The following CTNND2 variants were observed in gnomAD, a reference collection of about 807,000 sequenced individuals.
CTNND2 encodes catenin delta-2.
Under a neutral mutation model 144.4 loss-of-function variants are expected in CTNND2, and 22 were observed. That is an observed-to-expected ratio of 0.15 (90% CI 0.11 to 0.22). The LOEUF is 0.22. Ranked by LOEUF, CTNND2 falls within the 10% of genes least tolerant of loss-of-function variation. CTNND2 has a pLI of 1.00. For synonymous variants in CTNND2, 751 were observed against 695.6 expected (o/e 1.08, Z -1.25); for missense variants, 1,353 against 1,618.8 (o/e 0.84, Z 2.82).
chr5:11,217,901 G>C (rs1170937317), intron 10 of CTNND2, among the ~76,000 whole-genome samples: 2 of 152,078 alleles, frequency 1.3e-5, no homozygotes, highest in African/African-American at 4.8e-5. Context: ...GTGGATCTTA[G>C]GCATCCAAGG....
At chr5:11,174,837 A>G (rs1316644529) in intron 11 of CTNND2, among the ~76,000 whole-genome samples, 1 of 152,234 alleles carries the variant, frequency 6.6e-6, no homozygotes, top group African/African-American at 2.4e-5. Context: ...AAAGTGTAAT[A>G]GGATTTTCAG....
At chr5:11,849,287 A>G (rs529012770) in intron 1 of CTNND2, among the ~76,000 whole-genome samples, 10 of 152,120 alleles carry the variant, frequency 6.6e-5, no homozygotes, top group Admixed American at 1.3e-4. Flanking sequence ...CCATGATTCA[A>G]TTATCTCCCA....
chr5:11,077,613 AG>A (rs1176695598), intron 16 of CTNND2, among the ~76,000 whole-genome samples: 1 of 152,136 alleles, frequency 6.6e-6, no homozygotes, highest in African/African-American at 2.4e-5. Flanking sequence ...CACTGAGATG[AG>A]GAGGGTTTGG....
At chr5:11,760,503 T>C (rs1789196797) in intron 1 of CTNND2, among the ~76,000 whole-genome samples, 2 of 152,178 alleles carry the variant, frequency 1.3e-5, no homozygotes, top group South Asian at 2.1e-4. Context: ...TGAATACTTG[T>C]TGAAATTCCT....
rs374869883 is a variant in CTNND2, at chr5:11,859,648, C to G, written c.37+44169G>C. On this transcript the variant is annotated intron_variant, in intron 1 of 21. Coordinates refer to ENST00000304623, the MANE Select transcript of CTNND2 (RefSeq NM_001332.4). ...AATCTCCTATTCTTACCCTTAATAA[C>G]TGCTGTTCATCTATGAGAGCCACCT... Among the ~76,000 whole-genome samples, 43 of 152,294 alleles carry G rather than the reference C, an allele frequency of 2.8e-4. No individual in the cohort carries two copies. In the South Asian group the frequency reaches 4.1e-3, roughly 15 times the overall value.
At chr5:11,501,921 G>A (rs896718037) in intron 3 of CTNND2, among the ~76,000 whole-genome samples, 4 of 151,482 alleles carry the variant, frequency 2.6e-5, no homozygotes, top group Non-Finnish European at 4.4e-5. Context: ...CCAGCTACTC[G>A]GGAGGCTGGG....
intron 2 of CTNND2, among the ~76,000 whole-genome samples, chr5:11,640,093 T>C (rs1781919026): frequency 6.6e-6 from 1 of 152,244 alleles, no homozygotes; most frequent in Admixed American, 6.5e-5. Flanking sequence ...ATGAATTCTC[T>C]TCATTCAGAA....
rs78379789 is a variant in CTNND2 at position 11,186,321 on chromosome 5, T to C, written c.1975+13127A>G. Among the ~76,000 whole-genome samples the C allele has an allele frequency of 1.1e-4, 16 of 152,290 alleles. No homozygotes were observed. The East Asian group carries it at 3.1e-3, about 29-fold the overall frequency. ...TTCATAGGGAAGTAAAGGACTATAA[T>C]ATATGCAAGCTCCACCCCAGTTAAC... On this transcript the variant is annotated intron_variant, in intron 11 of 21. Coordinates refer to ENST00000304623, the MANE Select transcript of CTNND2 (RefSeq NM_001332.4).
chr5:11,346,908 A>G lies in CTNND2; in HGVS notation c.1373-281T>C, dbSNP rs6881516. 0.098 allele frequency among the ~76,000 whole-genome samples: 14,977 copies of G among 152,206 alleles called. 774 individuals carry two copies. Among genetic ancestry groups the G allele is most frequent in the Middle Eastern group, 0.16 (46 of 294 alleles). On this transcript the variant is annotated intron_variant, in intron 8 of 21. Coordinates refer to ENST00000304623, the MANE Select transcript of CTNND2 (RefSeq NM_001332.4). ...CCAACAGAAGGTGTGTTCAGCTGCA[A>G]TATAAACTTTGTGCATAAGAAGAAA...
chr5:11,090,844 C>T (rs1385481179), intron 15 of CTNND2, among the ~76,000 whole-genome samples: 1 of 151,512 alleles, frequency 6.6e-6, no homozygotes, highest in African/African-American at 2.4e-5. Context: ...GCCTCCCTGT[C>T]TTCTCACTGG....
At chr5:11,345,029 T>A (rs1316187453) in intron 9 of CTNND2, among the ~76,000 whole-genome samples, 1 of 152,198 alleles carries the variant, frequency 6.6e-6, no homozygotes, top group African/African-American at 2.4e-5. Flanking sequence ...ATATAAACAA[T>A]GTCAAATCAC....
intron 1 of CTNND2, among the ~76,000 whole-genome samples, chr5:11,741,056 A>T (rs192374881): frequency 6.6e-6 from 1 of 152,232 alleles, no homozygotes; most frequent in Non-Finnish European, 1.5e-5. Flanking sequence ...ATCATTAAAA[A>T]GTCAGGAAAC....
At chr5:11,451,711 G>A (rs1052681916) in intron 3 of CTNND2, among the ~76,000 whole-genome samples, 4 of 152,082 alleles carry the variant, frequency 2.6e-5, no homozygotes, top group Non-Finnish European at 5.9e-5. Flanking sequence ...ATTATGAAAG[G>A]CAGTTTCAAT....
intron 2 of CTNND2, among the ~76,000 whole-genome samples, chr5:11,668,475 T>C (rs1783695570): frequency 6.6e-6 from 1 of 152,242 alleles, no homozygotes; most frequent in Non-Finnish European, 1.5e-5. Flanking sequence ...GAAGAGGTCC[T>C]TCATATCCCT....
chr5:11,903,917 AGGGCAAGGTCCTGACCTT>A lies in CTNND2; in HGVS notation c.-82_-65del. 1.4e-6 allele frequency: 2 copies of A among 1,391,052 alleles called. No homozygotes were observed. The highest frequency in any genetic ancestry group is 1.9e-6 in the Non-Finnish European group (2 of 1,079,218). 86.2% of individuals were successfully genotyped at this position (1,391,052 alleles called of 1,614,324 possible). On this transcript the variant is annotated 5_prime_UTR_variant, in exon 1 of 22. Transcript: ENST00000304623. This position sits in a 1 kb window ranked among gnomAD's most constrained non-coding sequence, Gnocchi z 5.4. ...GGCGTGCGCGGCGCCGCCCGGCTTC[AGGGCAAGGTCCTGACCTT>A]GCCCAACTGCAGCATCTTCCGCTTT...
At chr5:11,181,108 C>T (rs567630012) in intron 11 of CTNND2, among the ~76,000 whole-genome samples, 5 of 152,182 alleles carry the variant, frequency 3.3e-5, no homozygotes, top group African/African-American at 7.2e-5. Context: ...AACCAGCCAG[C>T]GGGTACCAGG....
chr5:11,746,131 C>T (rs1426664487), intron 1 of CTNND2, among the ~76,000 whole-genome samples: 2 of 152,134 alleles, frequency 1.3e-5, no homozygotes, highest in Non-Finnish European at 2.9e-5. Context: ...TGCCTCTCCT[C>T]TCACACCTTA....
At chr5:11,738,111 A>ACACCTTCATCTAAAACGAATCACAGGT in intron 1 of CTNND2, among the ~76,000 whole-genome samples, 1 of 152,204 alleles carries the variant, frequency 6.6e-6, no homozygotes, top group East Asian at 1.9e-4. Flanking sequence ...TCTCTTGGTA[A>ACACCTTCATCTAAAACGAATCACAGGT]CACCTTCATC....
At chr5:11,410,109 A>G (rs1761393986) in intron 5 of CTNND2, among the ~76,000 whole-genome samples, 1 of 152,142 alleles carries the variant, frequency 6.6e-6, no homozygotes, top group Non-Finnish European at 1.5e-5. Flanking sequence ...AGATGAATGC[A>G]TGTGTTTCAA....
Sources: gnomAD v4.1 joint callset for allele counts (sites outside exome capture counted in the v4.1 genomes callset) on GRCh38, gnomAD v4.1.1 for gene constraint, Gnocchi (gnomAD v3.1) non-coding constraint, MANE v1.5 for transcripts, NCBI Gene and HGNC (gene_info 2026-07-23, HGNC 2026-07-21) for gene names.